Variants in ANAPC10 observed in about 807,000 individuals in gnomAD.
ANAPC10 encodes the protein anaphase promoting complex subunit 10.
In ANAPC10, 12 loss-of-function variants were observed where a neutral mutation model predicts 22.0. The ratio of observed to expected loss-of-function variants is 0.55; its 90% CI spans 0.35 to 0.88. The LOEUF (loss-of-function observed/expected upper bound fraction) is 0.88. Ranked by LOEUF, ANAPC10 falls within the 40% of genes least tolerant of loss-of-function variation. The pLI, the probability that ANAPC10 is intolerant of heterozygous loss-of-function variation, is 0.01. For missense variants in ANAPC10, 188 were observed against 220.9 expected, an observed-to-expected ratio of 0.85 and a Z score of 0.94; for synonymous variants, 65 against 69.5, an observed-to-expected ratio of 0.94 and a Z score of 0.32.
In ANAPC10 at chr4:145,003,818, T is replaced by C. The variant is rs376295141; in HGVS notation, c.328-8215A>G. ...TTCTTGTGTAAGATCATCTTGGCTATTTAAGCTCTTTTTTGGTTCCGTATG... is the reference window on the plus strand; with the variant it reads ...TTCTTGTGTAAGATCATCTTGGCTACTTAAGCTCTTTTTTGGTTCCGTATG... On this transcript the variant is annotated intron_variant, in intron 4 of 4. Coordinates refer to ENST00000507656, the MANE Select transcript of ANAPC10 (RefSeq NM_001256706.2). 1.9e-4 allele frequency among the ~76,000 whole-genome samples: 29 copies of C among 152,320 alleles called. 1 individual carries two copies. Among genetic ancestry groups the C allele is most frequent in the East Asian group, 1.5e-3 (8 of 5,184 alleles).
intron 4 of ANAPC10, among the ~76,000 whole-genome samples, chr4:145,043,577 T>C (rs320488): frequency 1.3e-5 from 2 of 152,136 alleles, no homozygotes; most frequent in African/African-American, 4.8e-5. Context: ...AATCCCTTAT[T>C]ACACATTGTC....
rs114557592 is a variant in ANAPC10 at position 145,046,310 on chromosome 4, T to C, written c.327+18262A>G. On this transcript the variant is annotated intron_variant, in intron 4 of 4. Transcript: ENST00000507656. ...CTCTATAAATTTGTTCCTGTAAATA[T>C]TGTATTTCTTTTTAAAAATACATCC... is the stretch of plus-strand genomic sequence containing the variant. Among the ~76,000 whole-genome samples the C allele has an allele frequency of 4.9e-3, 749 of 152,236 alleles. 2 individuals are homozygous for C. Among genetic ancestry groups the C allele is most frequent in the Middle Eastern group, 0.014 (4 of 294 alleles).
At chr4:145,026,977 ATATATATATATTTTTT>A (rs1736816229) in intron 4 of ANAPC10, among the ~76,000 whole-genome samples, 1 of 34,422 alleles carries the variant, frequency 2.9e-5, no homozygotes, top group African/African-American at 1.3e-4. Flanking sequence ...ATATATATAT[ATATATATATATTTTTT>A]TTTTTTTTTT....
intron 2 of ANAPC10, among the ~76,000 whole-genome samples, chr4:145,090,867 T>C (rs933393004): frequency 1.3e-5 from 2 of 152,218 alleles, no homozygotes; most frequent in Non-Finnish European, 2.9e-5. Flanking sequence ...ACAGTAAAGA[T>C]TGTGTCTTTT....
intron 4 of ANAPC10, among the ~76,000 whole-genome samples, chr4:145,004,708 G>C (rs1288002980): frequency 6.6e-6 from 1 of 152,168 alleles, no homozygotes; most frequent in African/African-American, 2.4e-5. Context: ...CTTGATGTTG[G>C]TGAATTAGCT....
chr4:145,040,378 C>A (rs551201471), intron 4 of ANAPC10, among the ~76,000 whole-genome samples: 1 of 152,146 alleles, frequency 6.6e-6, no homozygotes, highest in African/African-American at 2.4e-5. Flanking sequence ...GAACTCCTGA[C>A]CTCAGGTGAT....
chr4:145,097,538 T>A, intron 1 of ANAPC10: 1 of 1,287,236 alleles, frequency 7.8e-7, no homozygotes, highest in Non-Finnish European at 1.0e-6. Flanking sequence ...TGTTCTTTAA[T>A]CGGCACACAA....
At chr4:145,061,053 T>A (rs1269834008) in intron 4 of ANAPC10, among the ~76,000 whole-genome samples, 1 of 152,108 alleles carries the variant, frequency 6.6e-6, no homozygotes, top group Non-Finnish European at 1.5e-5. Flanking sequence ...GGCAGAAAAG[T>A]AGTATGTTCA....
Position 145,098,106 on chromosome 4 carries a change from G to C in ANAPC10, c.-13+14C>G, listed in dbSNP as rs1391716240. 1 of 152,646 alleles carries C rather than the reference G, an allele frequency of 6.6e-6. No individual in the cohort carries two copies. Among genetic ancestry groups the C allele is most frequent in the Non-Finnish European group, 1.5e-5 (1 of 68,340 alleles). 9.5% of individuals were successfully genotyped at this position (152,646 alleles called of 1,614,324 possible). On this transcript the variant is annotated intron_variant, in intron 1 of 4. Coordinates refer to ENST00000507656, the MANE Select transcript of ANAPC10 (RefSeq NM_001256706.2). ...GGACCACGCTCGACGTCGGAGAAAA[G>C]CCCACACACTCACAGTTTCCAGACC...
intron 4 of ANAPC10, among the ~76,000 whole-genome samples, chr4:145,061,463 A>G (rs1742877222): frequency 6.6e-6 from 1 of 152,230 alleles, no homozygotes; most frequent in African/African-American, 2.4e-5. Flanking sequence ...AAGTACAACT[A>G]AGATTACATG....
At chr4:145,031,951 T>C (rs1737651555) in intron 4 of ANAPC10, among the ~76,000 whole-genome samples, 2 of 152,188 alleles carry the variant, frequency 1.3e-5, no homozygotes. Context: ...CACAGCAGCA[T>C]TCCATTATCA....
chr4:145,049,925 A>G (rs928612522), intron 4 of ANAPC10, among the ~76,000 whole-genome samples: 2 of 152,112 alleles, frequency 1.3e-5, no homozygotes, highest in Non-Finnish European at 2.9e-5. Context: ...ACTCCCTCCA[A>G]TGAAGCCTTC....
chr4:145,035,370 A>G (rs1368718300), intron 4 of ANAPC10: 1 of 152,248 alleles, frequency 6.6e-6, no homozygotes, highest in Non-Finnish European at 1.5e-5. Flanking sequence ...ACAAGCTCTC[A>G]AGATTTTGGA....
In ANAPC10 at chr4:145,088,641, A is replaced by G. The variant is rs866963654; in HGVS notation, c.116-6891T>C. Among the ~76,000 whole-genome samples the G allele has an allele frequency of 3.9e-5, 6 of 152,140 alleles. 1 individual carries two copies. The highest frequency in any genetic ancestry group is 7.2e-5 in the African/African-American group (3 of 41,512). ...CTTAATCCTAGTCCAAATCAACATC[A>G]TCTCTAACATAAATTACTATAACAT... On this transcript the variant is annotated intron_variant, in intron 2 of 4. Transcript: ENST00000507656.
At chr4:145,067,175 T>C (rs1386524417) in intron 3 of ANAPC10, among the ~76,000 whole-genome samples, 1 of 152,170 alleles carries the variant, frequency 6.6e-6, no homozygotes, top group Admixed American at 6.5e-5. Flanking sequence ...TTAAAAATAA[T>C]ATTTCATGGA....
chr4:145,037,842 G>T (rs1176928486), intron 4 of ANAPC10, among the ~76,000 whole-genome samples: 1 of 151,388 alleles, frequency 6.6e-6, no homozygotes, highest in African/African-American at 2.4e-5. Flanking sequence ...AGCTACTCAG[G>T]AGGCTGAGGC....
chr4:145,092,738 A>C (rs1347553319), intron 2 of ANAPC10, among the ~76,000 whole-genome samples: 1 of 152,138 alleles, frequency 6.6e-6, no homozygotes. Context: ...CAGTGAAGGA[A>C]AGCAAAACGT....
intron 2 of ANAPC10, among the ~76,000 whole-genome samples, chr4:145,088,991 C>T (rs1450532583): frequency 1.3e-5 from 2 of 152,146 alleles, no homozygotes; most frequent in East Asian, 3.9e-4. Context: ...TTCCTGGTGT[C>T]AAGAAAGTTC....
rs146613710 is a variant in ANAPC10 at position 145,041,094 on chromosome 4, T to C, written c.327+23478A>G. On this transcript the variant is annotated intron_variant, in intron 4 of 4. Coordinates refer to ENST00000507656, the MANE Select transcript of ANAPC10 (RefSeq NM_001256706.2). ...CTTTGCTTGTAGGATCTATGACTTC[T>C]AGTGGTCCCATAATTCATATATAAC... 3.3e-5 allele frequency among the ~76,000 whole-genome samples: 5 copies of C among 152,274 alleles called. No individual in the cohort carries two copies. In the East Asian group the frequency reaches 9.6e-4, roughly 29 times the overall value.
Sources: gnomAD v4.1 joint callset for allele counts (sites outside exome capture counted in the v4.1 genomes callset) on GRCh38, gnomAD v4.1.1 for gene constraint, MANE v1.5 for transcripts, NCBI Gene and HGNC (gene_info 2026-07-23, HGNC 2026-07-21) for gene names.